Variants in NRG1 observed in about 807,000 individuals in gnomAD.
The protein encoded by NRG1 is neuregulin 1.
A neutral mutation model predicts 63.8 loss-of-function variants in NRG1; 18 were observed. The observed-to-expected ratio is 0.28, with a 90% CI of 0.19 to 0.42. The LOEUF is 0.42. Among genes scored for constraint, NRG1 ranks in the 10% least tolerant of loss-of-function variants. NRG1 has a pLI of 1.00. For synonymous variants in NRG1, 302 were observed against 301.3 expected (o/e 1.00, Z -0.02); for missense variants, 762 against 814.7 (o/e 0.94, Z 0.79).
At chr8:31,803,292 T>C (rs570364798) in intron 1 of NRG1, among the ~76,000 whole-genome samples, 3 of 152,344 alleles carry the variant, frequency 2.0e-5, no homozygotes, top group East Asian at 3.9e-4. Context: ...GGCAAGACTT[T>C]AGAATTCTAT....
chr8:32,767,204 G>A (rs192560543), exon 12 of NRG1: 30 of 152,220 alleles, frequency 2.0e-4, no homozygotes, highest in African/African-American at 6.7e-4. Flanking sequence ...CTACAAAATG[G>A]TCCTCTGTGT....
intron 1 of NRG1, among the ~76,000 whole-genome samples, chr8:32,157,926 T>C (rs1379845310): frequency 2.0e-5 from 3 of 152,076 alleles, no homozygotes; most frequent in Non-Finnish European, 2.9e-5. Flanking sequence ...AAAGATTGAT[T>C]ATTCTGACTA....
chr8:32,652,893 C>G (rs1397639764), intron 5 of NRG1, among the ~76,000 whole-genome samples: 2 of 151,984 alleles, frequency 1.3e-5, no homozygotes, highest in Non-Finnish European at 2.9e-5. Flanking sequence ...TCATAGTATC[C>G]TTTTAAAGTA....
intron 1 of NRG1, among the ~76,000 whole-genome samples, chr8:32,430,715 A>G (rs541453259): frequency 6.6e-6 from 1 of 152,222 alleles, no homozygotes. Context: ...TCCATTTACT[A>G]GAAAATATGT....
intron 7 of NRG1, among the ~76,000 whole-genome samples, chr8:32,751,799 T>A (rs747898170): frequency 6.6e-6 from 1 of 152,190 alleles, no homozygotes; most frequent in Non-Finnish European, 1.5e-5. Context: ...CTTCCTACAC[T>A]GCATAGAAAG....
At chr8:32,738,727 CA>C (rs756066888) in intron 6 of NRG1, among the ~76,000 whole-genome samples, 2 of 152,202 alleles carry the variant, frequency 1.3e-5, no homozygotes, top group Non-Finnish European at 2.9e-5. Flanking sequence ...TTTTCATTTG[CA>C]TGTGCTTTCT....
intron 1 of NRG1, among the ~76,000 whole-genome samples, chr8:31,932,574 A>G (rs898543132): frequency 5.3e-5 from 8 of 152,124 alleles, no homozygotes; most frequent in Non-Finnish European, 1.2e-4. Context: ...CTAGTCTTGT[A>G]TTTTCTCTGG....
At chr8:31,708,317 A>G (rs116167557) in intron 1 of NRG1, among the ~76,000 whole-genome samples, 2,171 of 152,330 alleles carry the variant, frequency 0.014, 65 homozygotes, top group African/African-American at 0.048. Flanking sequence ...GTAAAGGACA[A>G]CAAGGCCTTC....
At chr8:32,125,257 C>G (rs1341061051) in intron 1 of NRG1, among the ~76,000 whole-genome samples, 1 of 151,872 alleles carries the variant, frequency 6.6e-6, no homozygotes, top group Non-Finnish European at 1.5e-5. Context: ...TGTGTTATAG[C>G]AACATGAAGC....
intron 1 of NRG1, among the ~76,000 whole-genome samples, chr8:32,330,913 T>C (rs1205047373): frequency 9.2e-5 from 14 of 152,102 alleles, no homozygotes. Context: ...CTTCTGATTA[T>C]ATTGTTTCTC....
At chr8:32,098,400 G>A (rs2131333680) in intron 1 of NRG1, among the ~76,000 whole-genome samples, 1 of 152,270 alleles carries the variant, frequency 6.6e-6, no homozygotes, top group African/African-American at 2.4e-5. Context: ...AGATATATGT[G>A]GCTGTTAAAC....
chr8:32,200,937 A>G (rs574101404), intron 1 of NRG1, among the ~76,000 whole-genome samples: 13 of 152,304 alleles, frequency 8.5e-5, no homozygotes, highest in African/African-American at 3.1e-4. Context: ...GAGAGGGACC[A>G]GGTAGTCTAA....
At chr8:32,559,841 C>CAAAAAAAAAAAA (rs575336896) in intron 1 of NRG1, among the ~76,000 whole-genome samples, 13 of 127,382 alleles carry the variant, frequency 1.0e-4, no homozygotes, top group South Asian at 5.0e-4. Context: ...CAAAAAAATA[C>CAAAAAAAAAAAA]AAAAAAAAAA....
In NRG1 at chr8:31,843,596, G is replaced by C. The variant is rs370932081; in HGVS notation, c.37+204165G>C. Reference sequence around the variant, plus strand: ...GTTTCATTTGATCCTATAGAGTTTGGGGGAGGGCTGAACAACAGTTTCATT... The same window carrying C: ...GTTTCATTTGATCCTATAGAGTTTGCGGGAGGGCTGAACAACAGTTTCATT... On this transcript the variant is annotated intron_variant, in intron 1 of 10. Transcript: ENST00000519301. Among the ~76,000 whole-genome samples the C allele has an allele frequency of 6.6e-5, 10 of 152,222 alleles. No homozygotes were observed. The South Asian group carries it at 1.7e-3, about 25-fold the overall frequency.
intron 5 of NRG1, among the ~76,000 whole-genome samples, chr8:32,649,894 A>G (rs187218410): frequency 2.4e-4 from 36 of 152,306 alleles, no homozygotes; most frequent in African/African-American, 8.2e-4. Flanking sequence ...ATGACAGGCT[A>G]TAAAAAGCAA....
intron 1 of NRG1, among the ~76,000 whole-genome samples, chr8:32,290,788 C>T (rs890873891): frequency 1.3e-5 from 2 of 151,982 alleles, no homozygotes; most frequent in Non-Finnish European, 2.9e-5. Flanking sequence ...TCACCTTATT[C>T]TTATGTCTAT....
At chr8:31,639,539 C>T (rs1803527069) in intron 1 of NRG1, 3 of 1,470,238 alleles carry the variant, frequency 2.0e-6, no homozygotes, top group Non-Finnish European at 2.7e-6. Context: ...TCTCTCCCAG[C>T]CGCTTGCTCG....
chr8:31,809,011 G>A (rs1258715487), intron 1 of NRG1, among the ~76,000 whole-genome samples: 1 of 151,848 alleles, frequency 6.6e-6, no homozygotes, highest in Non-Finnish European at 1.5e-5. Context: ...TCTTACATTT[G>A]GTTAATACTT....
chr8:32,127,920 T>C (rs1277337159), intron 1 of NRG1, among the ~76,000 whole-genome samples: 2 of 151,862 alleles, frequency 1.3e-5, no homozygotes, highest in African/African-American at 4.8e-5. Flanking sequence ...AGCAACATAG[T>C]TAGACCCCAT....
Sources: gnomAD v4.1 joint callset for allele counts (sites outside exome capture counted in the v4.1 genomes callset) on GRCh38, gnomAD v4.1.1 for gene constraint, MANE v1.5 for transcripts, NCBI Gene and HGNC (gene_info 2026-07-23, HGNC 2026-07-21) for gene names.